RTN1: variants seen among roughly 807,000 people sequenced by gnomAD.
The protein encoded by RTN1 is reticulon-1.
A neutral mutation model predicts 65.5 loss-of-function variants in RTN1; 25 were observed. That is an observed-to-expected ratio of 0.38 (90% CI 0.28 to 0.53). The LOEUF (loss-of-function observed/expected upper bound fraction) is 0.53. Among genes scored for constraint, RTN1 ranks in the 20% least tolerant of loss-of-function variants. The pLI, the probability that RTN1 is intolerant of heterozygous loss-of-function variation, is 0.79. For missense variants in RTN1, 983 were observed against 1,025.4 expected, an observed-to-expected ratio of 0.96 and a Z score of 0.57; for synonymous variants, 471 against 447.6, an observed-to-expected ratio of 1.05 and a Z score of -0.66.
chr14:59,608,232 T>G (rs1881829498), intron 3 of RTN1, among the ~76,000 whole-genome samples: 1 of 152,222 alleles, frequency 6.6e-6, no homozygotes. Context: ...ACAAATGGTT[T>G]TTATAGAATT....
intron 1 of RTN1, among the ~76,000 whole-genome samples, chr14:59,782,620 C>G (rs1448100835): frequency 6.6e-6 from 1 of 152,100 alleles, no homozygotes; most frequent in Non-Finnish European, 1.5e-5. Flanking sequence ...TTATTAAGAG[C>G]CAATAAAGAG....
At chr14:59,692,725 T>C (rs939830262) in intron 3 of RTN1, among the ~76,000 whole-genome samples, 11 of 152,034 alleles carry the variant, frequency 7.2e-5, no homozygotes, top group Non-Finnish European at 7.4e-5. Flanking sequence ...TATATAACAA[T>C]GGAACAGAAT....
At chr14:59,853,349 G>A (rs1030942765) in intron 1 of RTN1, among the ~76,000 whole-genome samples, 2 of 152,094 alleles carry the variant, frequency 1.3e-5, no homozygotes, top group African/African-American at 4.8e-5. Context: ...TGAATACTGA[G>A]CTCTAATTCT....
intron 3 of RTN1, among the ~76,000 whole-genome samples, chr14:59,705,379 A>G (rs1021154633): frequency 1.3e-5 from 2 of 152,226 alleles, no homozygotes; most frequent in Admixed American, 1.3e-4. Context: ...AAACAGGAAA[A>G]CAAGGAGGAA....
chr14:59,629,342 G>A (rs1011098052), intron 3 of RTN1, among the ~76,000 whole-genome samples: 2 of 152,054 alleles, frequency 1.3e-5, no homozygotes, highest in African/African-American at 2.4e-5. Flanking sequence ...AATATATACC[G>A]AAGCAAAACC....
chr14:59,870,374 G>A lies in RTN1; in HGVS notation c.241+16C>T. 6.7e-7 allele frequency: 1 copy of A among 1,493,994 alleles called. No individual in the cohort carries two copies. The highest frequency in any genetic ancestry group is 8.8e-7 in the Non-Finnish European group (1 of 1,132,414). 92.5% of individuals were successfully genotyped at this position (1,493,994 alleles called of 1,614,324 possible). ...GGTCCCCGACGCCATTTGAGGGGCA[G>A]CGGCGCCCGCCTTACCTGTGGATGC... On this transcript the variant is annotated intron_variant, in intron 1 of 8. Transcript: ENST00000267484. This position sits in a 1 kb window ranked among gnomAD's most constrained non-coding sequence, Gnocchi z 5.1.
At chr14:59,654,763 C>T (rs1950777) in intron 3 of RTN1, among the ~76,000 whole-genome samples, 64,229 of 151,880 alleles carry the variant, frequency 0.42, 14,509 homozygotes, top group African/African-American at 0.57. Flanking sequence ...ATGTTAAAAA[C>T]GACAACAAGA....
chr14:59,751,580 T>C (rs1233695461), intron 1 of RTN1, among the ~76,000 whole-genome samples: 1 of 152,144 alleles, frequency 6.6e-6, no homozygotes, highest in Non-Finnish European at 1.5e-5. Context: ...AAATGAATAG[T>C]CTGGAGAGGT....
At chr14:59,769,335 G>A (rs1467855970) in intron 1 of RTN1, among the ~76,000 whole-genome samples, 1 of 152,146 alleles carries the variant, frequency 6.6e-6, no homozygotes, top group Non-Finnish European at 1.5e-5. Flanking sequence ...CCTGAATAAA[G>A]TATCAATGCA....
At chr14:59,639,515 A>G (rs916321198) in intron 3 of RTN1, among the ~76,000 whole-genome samples, 1 of 152,128 alleles carries the variant, frequency 6.6e-6, no homozygotes, top group Non-Finnish European at 1.5e-5. Flanking sequence ...CAATCTTTGT[A>G]CTTTTATCTC....
At chr14:59,863,068 G>A (rs932348283) in intron 1 of RTN1, among the ~76,000 whole-genome samples, 5 of 152,018 alleles carry the variant, frequency 3.3e-5, no homozygotes, top group Non-Finnish European at 2.9e-5. Flanking sequence ...GCCCTTGTCT[G>A]TGTGCTGGAT....
chr14:59,794,268 T>C lies in RTN1; in HGVS notation c.242-47787A>G, dbSNP rs1223199481. Among the ~76,000 whole-genome samples the C allele has an allele frequency of 6.6e-6, 1 of 152,230 alleles. No individual in the cohort carries two copies. The highest frequency in any genetic ancestry group is 1.5e-5 in the Non-Finnish European group (1 of 68,048). ...AATCACTGGTTGAAGAACAAGAAGT[T>C]TTCTGTGCCCTTGAGTGTTAACAGA... On this transcript the variant is annotated intron_variant, in intron 1 of 8. Coordinates refer to ENST00000267484, the MANE Select transcript of RTN1 (RefSeq NM_021136.3). The surrounding 1 kb of genome is among the most constrained non-coding windows in gnomAD (Gnocchi z 5.1).
chr14:59,831,868 C>T (rs1160912853), intron 1 of RTN1, among the ~76,000 whole-genome samples: 1 of 152,048 alleles, frequency 6.6e-6, no homozygotes, highest in Admixed American at 6.6e-5. Context: ...GCACAGAAGA[C>T]GACCCTCCTA....
chr14:59,869,382 C>T (rs1887850694), intron 1 of RTN1, among the ~76,000 whole-genome samples: 1 of 152,040 alleles, frequency 6.6e-6, no homozygotes, highest in Non-Finnish European at 1.5e-5. Flanking sequence ...AAAGCTTTCT[C>T]AGGAAAGAGC....
At chr14:59,680,868 T>C (rs1594674912) in intron 3 of RTN1, among the ~76,000 whole-genome samples, 1 of 152,098 alleles carries the variant, frequency 6.6e-6, no homozygotes, top group Admixed American at 6.5e-5. Context: ...AAAACCATAT[T>C]TATGAAGAGT....
At position 59,750,185 on chromosome 14, in the gene RTN1, A is replaced by ATATATAATAT. The variant is rs1566713268; in HGVS notation, c.242-3705_242-3704insATATTATATA. ...ATATATTATATCTATAATATATAAT[A>ATATATAATAT]CATATATTATATCTATAATATATAA... On this transcript the variant is annotated intron_variant, in intron 1 of 8. Transcript: ENST00000267484. Among the ~76,000 whole-genome samples, 6 of 21,892 alleles carry ATATATAATAT rather than the reference A, an allele frequency of 2.7e-4. No individual in the cohort carries two copies. The East Asian group carries it at 3.9e-3, about 14-fold the overall frequency. 14.4% of individuals were successfully genotyped at this position (21,892 alleles called of 152,430 possible).
chr14:59,863,745 CAT>C lies in RTN1; in HGVS notation c.241+6643_241+6644del, dbSNP rs367589664. Among the ~76,000 whole-genome samples the C allele has an allele frequency of 1.1e-3, 175 of 152,312 alleles. 2 individuals carry two copies. The highest frequency in any genetic ancestry group is 3.8e-3 in the African/African-American group (160 of 41,574). On this transcript the variant is annotated intron_variant, in intron 1 of 8. Coordinates refer to ENST00000267484, the MANE Select transcript of RTN1 (RefSeq NM_021136.3). The stretch of plus-strand genomic sequence containing the variant: ...CACCAAACAGACATTCAAAAATTAA[CAT>C]GTGTAAAACCAAACTCCTGTTTTTT...
rs74197123 is a variant in RTN1 at position 59,750,124 on chromosome 14, T to TTA, written c.242-3645_242-3644dup. ...TATTATATATTATATATAATATATA[T>TTA]TATCTATAATATATAATATATATAT... On this transcript the variant is annotated intron_variant, in intron 1 of 8. Transcript: ENST00000267484. Among the ~76,000 whole-genome samples, 72 of 74,930 alleles carry TTA rather than the reference T, an allele frequency of 9.6e-4. 2 individuals carry two copies. Among genetic ancestry groups the TTA allele is most frequent in the Admixed American group, 1.6e-3 (7 of 4,244 alleles). The allele number at this position is 74,930 out of a possible 152,430, so 49.2% of individuals were successfully genotyped here.
At chr14:59,691,238 A>T (rs1883954926) in intron 3 of RTN1, among the ~76,000 whole-genome samples, 1 of 152,194 alleles carries the variant, frequency 6.6e-6, no homozygotes, top group Non-Finnish European at 1.5e-5. Context: ...CACAATCAGT[A>T]GCAAAAAAAG....
Sources: gnomAD v4.1 joint callset for allele counts (sites outside exome capture counted in the v4.1 genomes callset) on GRCh38, gnomAD v4.1.1 for gene constraint, Gnocchi (gnomAD v3.1) non-coding constraint, MANE v1.5 for transcripts, NCBI Gene and HGNC (gene_info 2026-07-23, HGNC 2026-07-21) for gene names.